The following ADARB2 variants were observed in gnomAD, a reference collection of about 807,000 sequenced individuals.
ADARB2 encodes the protein inactive double-stranded RNA-specific editase B2.
Under a neutral mutation model 62.2 loss-of-function variants are expected in ADARB2, and 25 were observed. The ratio of observed to expected loss-of-function variants is 0.40; its 90% CI spans 0.29 to 0.56. The LOEUF (loss-of-function observed/expected upper bound fraction) is 0.56, where lower values mean the gene tolerates loss of function less well. Ranked by LOEUF, ADARB2 falls within the 20% of genes least tolerant of loss-of-function variation. ADARB2 has a pLI of 0.43. For synonymous variants in ADARB2, 572 were observed against 500.8 expected (o/e 1.14, Z -1.90); for missense variants, 1,071 against 1,077.4 (o/e 0.99, Z 0.08).
chr10:1,406,637 C>T (rs1057052210), intron 1 of ADARB2, among the ~76,000 whole-genome samples: 2 of 152,316 alleles, frequency 1.3e-5, no homozygotes, highest in Non-Finnish European at 2.9e-5. Flanking sequence ...TAGGGATGTT[C>T]CCTTTTCCCA....
intron 1 of ADARB2, among the ~76,000 whole-genome samples, chr10:1,624,158 C>T (rs1253294082): frequency 1.3e-5 from 2 of 152,088 alleles, no homozygotes; most frequent in East Asian, 1.9e-4. Flanking sequence ...CACCTGAGCC[C>T]AGGAGGCTGA....
At chr10:1,395,293 T>G (rs1010047514) in intron 1 of ADARB2, among the ~76,000 whole-genome samples, 2 of 152,176 alleles carry the variant, frequency 1.3e-5, no homozygotes, top group African/African-American at 4.8e-5. Flanking sequence ...CAAGTCAGGC[T>G]TTAAGCCCCA....
chr10:1,631,680 G>A (rs185227254), intron 1 of ADARB2, among the ~76,000 whole-genome samples: 3 of 152,296 alleles, frequency 2.0e-5, no homozygotes, highest in African/African-American at 4.8e-5. Flanking sequence ...GGTAAAGGAC[G>A]ACGCTGTGTG....
At chr10:1,697,937 T>C (rs1204388549) in intron 1 of ADARB2, among the ~76,000 whole-genome samples, 1 of 152,234 alleles carries the variant, frequency 6.6e-6, no homozygotes, top group Non-Finnish European at 1.5e-5. Flanking sequence ...TACTGGGCTG[T>C]GAGGAGCGGT....
intron 1 of ADARB2, among the ~76,000 whole-genome samples, chr10:1,541,024 C>A (rs1416236288): frequency 1.5e-5 from 1 of 67,362 alleles, no homozygotes; most frequent in Non-Finnish European, 3.1e-5. Flanking sequence ...GCCGTCCAGA[C>A]CCCACTCAGA....
At chr10:1,721,952 T>C (rs974133965) in intron 1 of ADARB2, among the ~76,000 whole-genome samples, 16 of 152,196 alleles carry the variant, frequency 1.1e-4, no homozygotes, top group African/African-American at 3.9e-4. Context: ...TCATTGCTAA[T>C]AAAATGCCAC....
At chr10:1,216,449 C>G (rs1179915018) in intron 7 of ADARB2, 1 of 148,910 alleles carries the variant, frequency 6.7e-6, no homozygotes, top group East Asian at 2.1e-4. Flanking sequence ...CCCGAGACCT[C>G]CACATGGAGG....
intron 8 of ADARB2, among the ~76,000 whole-genome samples, chr10:1,194,436 T>C (rs532826813): frequency 1.3e-5 from 2 of 152,340 alleles, no homozygotes; most frequent in East Asian, 1.9e-4. Flanking sequence ...GCCTACACGA[T>C]TGCATGAGCT....
At chr10:1,487,008 T>C (rs529968730) in intron 1 of ADARB2, among the ~76,000 whole-genome samples, 2 of 152,176 alleles carry the variant, frequency 1.3e-5, no homozygotes, top group Admixed American at 1.3e-4. Context: ...CAGTGCTCAT[T>C]GTGTGTGAGA....
chr10:1,320,481 G>A lies in ADARB2; in HGVS notation c.1077+42547C>T, dbSNP rs373106083. Among the ~76,000 whole-genome samples the A allele has an allele frequency of 2.1e-4, 32 of 152,314 alleles. 1 individual carries two copies. The South Asian group carries it at 6.0e-3, about 29-fold the overall frequency. Reference sequence around the variant, plus strand: ...AGCTCAGGCAAGACCTCAATTTCACGTCTTAGGGTATCTCCTTGGTGAAGG... The same window carrying A: ...AGCTCAGGCAAGACCTCAATTTCACATCTTAGGGTATCTCCTTGGTGAAGG... On this transcript the variant is annotated intron_variant, in intron 3 of 9. Coordinates refer to ENST00000381312, the MANE Select transcript of ADARB2 (RefSeq NM_018702.4).
chr10:1,265,122 C>T (rs1025143547), intron 4 of ADARB2, among the ~76,000 whole-genome samples: 1 of 152,244 alleles, frequency 6.6e-6, no homozygotes, highest in African/African-American at 2.4e-5. Flanking sequence ...CTCTACATTT[C>T]AGCTCTGCCC....
At chr10:1,628,934 G>A (rs1049034928) in intron 1 of ADARB2, among the ~76,000 whole-genome samples, 3 of 152,212 alleles carry the variant, frequency 2.0e-5, no homozygotes, top group African/African-American at 7.2e-5. Context: ...CTCAAGATCG[G>A]TCTGTGCTTC....
intron 4 of ADARB2, among the ~76,000 whole-genome samples, chr10:1,259,057 A>C (rs1041508738): frequency 9.1e-4 from 138 of 152,328 alleles, no homozygotes; most frequent in Admixed American, 8.2e-3. Context: ...CTACTGGGTA[A>C]ATAACGAAAT....
At chr10:1,480,513 A>T (rs1022252909) in intron 1 of ADARB2, among the ~76,000 whole-genome samples, 1 of 152,188 alleles carries the variant, frequency 6.6e-6, no homozygotes, top group Non-Finnish European at 1.5e-5. Flanking sequence ...CCTGGCTAAC[A>T]TGGTGAAACC....
At chr10:1,511,331 C>A (rs1355034073) in intron 1 of ADARB2, among the ~76,000 whole-genome samples, 1 of 152,184 alleles carries the variant, frequency 6.6e-6, no homozygotes, top group Non-Finnish European at 1.5e-5. Flanking sequence ...CCATGGTGGG[C>A]TTTGATCTCA....
chr10:1,475,797 C>A (rs1258533990), intron 1 of ADARB2, among the ~76,000 whole-genome samples: 1 of 152,172 alleles, frequency 6.6e-6, no homozygotes, highest in Non-Finnish European at 1.5e-5. Context: ...ATCAATTACC[C>A]TTTGCATGGA....
chr10:1,478,693 C>A (rs1474075023), intron 1 of ADARB2, among the ~76,000 whole-genome samples: 1 of 151,598 alleles, frequency 6.6e-6, no homozygotes, highest in Admixed American at 6.6e-5. Flanking sequence ...AAAACAAGGA[C>A]CCTCGGACGG....
intron 3 of ADARB2, among the ~76,000 whole-genome samples, chr10:1,281,586 A>T (rs1172745743): frequency 6.6e-6 from 1 of 152,236 alleles, no homozygotes; most frequent in East Asian, 1.9e-4. Flanking sequence ...GTGATTTCTC[A>T]GCACGGTGCC....
At chr10:1,388,190 T>G (rs1404343832) in intron 1 of ADARB2, among the ~76,000 whole-genome samples, 1 of 152,130 alleles carries the variant, frequency 6.6e-6, no homozygotes, top group Non-Finnish European at 1.5e-5. Context: ...AACCCATTCT[T>G]CATGAAAATT....
Sources: gnomAD v4.1 joint callset for allele counts (sites outside exome capture counted in the v4.1 genomes callset) on GRCh38, gnomAD v4.1.1 for gene constraint, MANE v1.5 for transcripts, NCBI Gene and HGNC (gene_info 2026-07-23, HGNC 2026-07-21) for gene names.